Variants in ALG6 observed in about 807,000 individuals in gnomAD.
The protein encoded by ALG6 is ALG6 alpha-1,3-glucosyltransferase, also known as dolichyl pyrophosphate Man9GlcNAc2 alpha-1,3-glucosyltransferase.
In ALG6, 46 loss-of-function variants were observed where a neutral mutation model predicts 66.6. The observed-to-expected ratio is 0.69, with a 90% CI of 0.55 to 0.88. The LOEUF is 0.88. ALG6 is among the 40% of genes least tolerant of loss of function. The pLI, the probability that ALG6 is intolerant of heterozygous loss-of-function variation, is 0.00. For synonymous variants in ALG6, 185 were observed against 203.7 expected, an observed-to-expected ratio of 0.91 and a Z score of 0.78; for missense variants, 505 against 586.8, an observed-to-expected ratio of 0.86 and a Z score of 1.44.
rs779365053 is a variant in ALG6 at position 63,419,356 on chromosome 1, C to CT, written c.988-8dup. ...AAGTTGTTATATCTCATTTCCCCCCCTTTTTTCTTAAAGGTTAGCTGTGCG... is the reference window on the plus strand; with the variant it reads ...AAGTTGTTATATCTCATTTCCCCCCCTTTTTTTCTTAAAGGTTAGCTGTGCG... On this transcript the variant is annotated splice_polypyrimidine_tract_variant and intron_variant, in intron 11 of 14. Coordinates refer to ENST00000263440, the MANE Select transcript of ALG6 (RefSeq NM_013339.4). 11 of 1,600,348 alleles carry CT rather than the reference C, an allele frequency of 6.9e-6. No homozygotes were observed. Among genetic ancestry groups the CT allele is most frequent in the Non-Finnish European group, 9.4e-6 (11 of 1,169,974 alleles).
At chr1:63,425,976 T>C (rs1570087471) in intron 12 of ALG6, among the ~76,000 whole-genome samples, 1 of 151,788 alleles carries the variant, frequency 6.6e-6, no homozygotes, top group African/African-American at 2.4e-5. Context: ...ATGGAGGAGG[T>C]GCAGTCTAAA....
intron 12 of ALG6, among the ~76,000 whole-genome samples, chr1:63,421,168 A>AATTTT (rs1244644738): frequency 3.9e-5 from 6 of 151,952 alleles, no homozygotes; most frequent in Non-Finnish European, 8.8e-5. Context: ...TAGCGGTTGC[A>AATTTT]ATTTTATTTT....
intron 12 of ALG6, among the ~76,000 whole-genome samples, chr1:63,422,013 T>C (rs1644576172): frequency 1.4e-5 from 2 of 141,246 alleles, no homozygotes; most frequent in Admixed American, 7.8e-5. Context: ...GAACTTAAAG[T>C]ATATATATAT....
At chr1:63,382,121 A>G (rs1181805390) in intron 2 of ALG6, among the ~76,000 whole-genome samples, 1 of 151,694 alleles carries the variant, frequency 6.6e-6, no homozygotes, top group African/African-American at 2.4e-5. Flanking sequence ...GTATGGGTAC[A>G]TAGTAGATGT....
chr1:63,402,488 A>G (rs1224814180), intron 4 of ALG6, 145 bp downstream of exon 4: 24 of 508,982 alleles, frequency 4.7e-5, no homozygotes, highest in Non-Finnish European at 7.5e-5. Flanking sequence ...TTTTTTTGAG[A>G]TGAAGTCTCA....
At chr1:63,385,499 C>T (rs890825619) in intron 2 of ALG6, among the ~76,000 whole-genome samples, 1 of 152,170 alleles carries the variant, frequency 6.6e-6, no homozygotes. Flanking sequence ...GCGTGAGCCA[C>T]CACGCCCGGC....
intron 12 of ALG6, 79 bp from the exon 13 acceptor site, chr1:63,428,654 A>G: frequency 9.1e-7 from 1 of 1,097,596 alleles, no homozygotes; most frequent in Non-Finnish European, 1.3e-6. Flanking sequence ...AGACAGATAA[A>G]ATGTATTTAT....
chr1:63,374,092 C>T (rs1648029064), intron 2 of ALG6, among the ~76,000 whole-genome samples: 1 of 152,116 alleles, frequency 6.6e-6, no homozygotes, highest in Non-Finnish European at 1.5e-5. Flanking sequence ...GAAAATGAGA[C>T]AACCAATAAA....
intron 4 of ALG6, 21 bp from the exon 5 acceptor site, chr1:63,404,432 T>C (rs1162337088): frequency 6.4e-7 from 1 of 1,568,916 alleles, no homozygotes. Context: ...GAAGTATCTG[T>C]ATATATGCTT....
chr1:63,376,425 T>C (rs957345470), intron 2 of ALG6, among the ~76,000 whole-genome samples: 2 of 152,334 alleles, frequency 1.3e-5, no homozygotes, highest in African/African-American at 2.4e-5. Context: ...CTCAGTGATA[T>C]CCTTGGGGTT....
At position 63,419,411 on chromosome 1, in the gene ALG6, A is replaced by G. The variant is rs776279526; in HGVS notation, c.1029A>G (p.Val343=). The G allele has an allele frequency of 3.7e-6, 6 of 1,609,664 alleles. No homozygotes were observed. The highest frequency in any genetic ancestry group is 5.1e-6 in the Non-Finnish European group (6 of 1,177,876). The change falls in exon 12 of 15, where the codon GTA becomes GTG. Residue 343 remains valine (V), a synonymous_variant. Coordinates refer to ENST00000263440, the MANE Select transcript of ALG6 (RefSeq NM_013339.4). ...CATTCTTTTTATTTTCTTTCCAAGT[A>G]CATGAAAAATCCATTCTCTTGGTGT... ...ALSFFLFSFQ[V]HEKSILLVSL...
chr1:63,432,258 G>GTTTTTTTTTTT (rs139890401), intron 14 of ALG6, among the ~76,000 whole-genome samples: 1 of 149,564 alleles, frequency 6.7e-6, no homozygotes, highest in African/African-American at 2.5e-5. Context: ...TTGGTCATGT[G>GTTTTTTTTTTT]TGTTTTTTTT....
At chr1:63,369,294 T>C (rs918613191) in intron 1 of ALG6, among the ~76,000 whole-genome samples, 8 of 152,190 alleles carry the variant, frequency 5.3e-5, no homozygotes, top group Non-Finnish European at 1.0e-4. Context: ...GCCATTCCAA[T>C]CAGTTCTGGA....
intron 5 of ALG6, among the ~76,000 whole-genome samples, chr1:63,404,842 T>C (rs1644482714): frequency 1.3e-5 from 2 of 152,166 alleles, no homozygotes; most frequent in African/African-American, 4.8e-5. Context: ...AACTGAGGCA[T>C]AGTTAAATGA....
chr1:63,382,881 T>G (rs1276768802), intron 2 of ALG6, among the ~76,000 whole-genome samples: 7 of 152,090 alleles, frequency 4.6e-5, no homozygotes, highest in Admixed American at 1.3e-4. Context: ...TTTCACCATG[T>G]TAGCCAGGAT....
At chr1:63,372,182 A>T (rs2100379526) in intron 2 of ALG6, among the ~76,000 whole-genome samples, 1 of 152,326 alleles carries the variant, frequency 6.6e-6, no homozygotes, top group Non-Finnish European at 1.5e-5. Context: ...CATGAAACAT[A>T]GGAACAAAAA....
At chr1:63,393,898 G>C (rs1570049703) in intron 2 of ALG6, among the ~76,000 whole-genome samples, 1 of 152,146 alleles carries the variant, frequency 6.6e-6, no homozygotes, top group South Asian at 2.1e-4. Context: ...TCTGAGAATA[G>C]AAAACTTATT....
At chr1:63,423,646 A>AGGG (rs1644599695) in intron 12 of ALG6, among the ~76,000 whole-genome samples, 1 of 152,200 alleles carries the variant, frequency 6.6e-6, no homozygotes. Flanking sequence ...AATATTTTCA[A>AGGG]GGTTCATCCA....
At chr1:63,421,848 A>C in intron 12 of ALG6, among the ~76,000 whole-genome samples, 1 of 150,816 alleles carries the variant, frequency 6.6e-6, no homozygotes, top group Admixed American at 6.7e-5. Context: ...ACGGAAGGGA[A>C]CATCACACAC....
Sources: gnomAD v4.1 joint callset for allele counts (sites outside exome capture counted in the v4.1 genomes callset) on GRCh38, gnomAD v4.1.1 for gene constraint, MANE v1.5 for transcripts, NCBI Gene and HGNC (gene_info 2026-07-23, HGNC 2026-07-21) for gene names.